Variants in PHF21A observed in about 807,000 individuals in gnomAD.
The protein encoded by PHF21A is PHD finger protein 21A.
PHF21A carries 11 observed loss-of-function variants against 82.5 expected under a neutral mutation model. The ratio of observed to expected loss-of-function variants is 0.13; its 90% confidence interval spans 0.08 to 0.22. The LOEUF (loss-of-function observed/expected upper bound fraction) is 0.22. Among genes scored for constraint, PHF21A ranks in the 10% least tolerant of loss-of-function variants. The pLI is 1.00. For missense variants in PHF21A, 579 were observed against 837.8 expected, an observed-to-expected ratio of 0.69 and a Z score of 3.81; for synonymous variants, 297 against 302.8, an observed-to-expected ratio of 0.98 and a Z score of 0.20.
At chr11:45,957,857 A>C (rs1386048067) in intron 10 of PHF21A, among the ~76,000 whole-genome samples, 1 of 152,052 alleles carries the variant, frequency 6.6e-6, no homozygotes, top group Non-Finnish European at 1.5e-5. Flanking sequence ...ATCTTCGAAA[A>C]GAATAACAAA....
At chr11:46,005,432 C>A (rs1591854182) in intron 6 of PHF21A, among the ~76,000 whole-genome samples, 1 of 152,108 alleles carries the variant, frequency 6.6e-6, no homozygotes, top group African/African-American at 2.4e-5. Context: ...TAGGCAGTTG[C>A]TTTTTCTGGT....
In PHF21A at chr11:45,933,204, G is replaced by A. The variant is rs1010499167; in HGVS notation, c.*764C>T. The A allele has an allele frequency of 6.6e-6, 1 of 152,598 alleles. No homozygotes were observed. The highest frequency in any genetic ancestry group is 2.4e-5 in the African/African-American group (1 of 41,440). 9.5% of individuals were successfully genotyped at this position (152,598 alleles called of 1,614,324 possible). On this transcript the variant is annotated 3_prime_UTR_variant, in exon 19 of 19. Transcript: ENST00000676320. ...CCGGGCTCTGCTTGTTCTTGGAGAG[G>A]AGACAGCGGGATAACCACGGAGATG...
At chr11:45,935,316 C>T (rs563361093) in intron 18 of PHF21A, 32 of 1,196,458 alleles carry the variant, frequency 2.7e-5, no homozygotes, top group Non-Finnish European at 3.4e-5. Flanking sequence ...ACACTCCCCC[C>T]ACACACTGTC....
At chr11:46,077,714 T>C (rs565893551) in intron 5 of PHF21A, among the ~76,000 whole-genome samples, 1 of 152,348 alleles carries the variant, frequency 6.6e-6, no homozygotes, top group East Asian at 1.9e-4. Context: ...CCCACACCTG[T>C]TGTCCAACAA....
intron 6 of PHF21A, among the ~76,000 whole-genome samples, chr11:46,036,765 T>C (rs944782667): frequency 3.9e-5 from 6 of 152,254 alleles, no homozygotes; most frequent in Non-Finnish European, 7.3e-5. Context: ...ATCTTACTAT[T>C]ATTATTTGTA....
At chr11:46,111,206 C>T (rs2097210208) in intron 1 of PHF21A, among the ~76,000 whole-genome samples, 3 of 151,764 alleles carry the variant, frequency 2.0e-5, no homozygotes, top group South Asian at 4.2e-4. Context: ...TGGTGGCTCA[C>T]GCCTGTAATC....
intron 6 of PHF21A, among the ~76,000 whole-genome samples, chr11:45,981,940 C>CTTTTTTTTTTTTTTT (rs754937092): frequency 0.013 from 1,031 of 78,404 alleles, 10 homozygotes; most frequent in East Asian, 0.014. Flanking sequence ...TTTTGTTTTT[C>CTTTTTTTTTTTTTTT]TTTTTTTTTT....
At chr11:45,953,366 A>G (rs2092347968) in intron 11 of PHF21A, among the ~76,000 whole-genome samples, 161 bp downstream of exon 11, 1 of 152,262 alleles carries the variant, frequency 6.6e-6, no homozygotes, top group Non-Finnish European at 1.5e-5. Context: ...ATTCCACTCT[A>G]GACCAATCTG....
chr11:46,092,253 A>G (rs980269713), intron 1 of PHF21A, 30 bp from the exon 2 acceptor site: 1 of 152,218 alleles, frequency 6.6e-6, no homozygotes, highest in Non-Finnish European at 1.5e-5. Flanking sequence ...AAATGGAATT[A>G]GACAACACAC....
At chr11:45,935,857 T>C (rs553172851) in intron 17 of PHF21A, 118 bp from the exon 18 acceptor site, 2 of 632,142 alleles carry the variant, frequency 3.2e-6, no homozygotes, top group Admixed American at 5.8e-5. Flanking sequence ...CCATGAGTCC[T>C]ACAACCCAGT....
At chr11:45,981,023 C>T (rs999228112) in intron 6 of PHF21A, among the ~76,000 whole-genome samples, 26 of 152,110 alleles carry the variant, frequency 1.7e-4, no homozygotes, top group African/African-American at 6.0e-4. Context: ...TATTATAATA[C>T]ACTTCAACAG....
At position 45,954,801 on chromosome 11, in the gene PHF21A, A is replaced by G. The variant is rs540454431; in HGVS notation, c.997-1176T>C. On this transcript the variant is annotated intron_variant, in intron 10 of 18. Transcript: ENST00000676320. ...GTAATGCTCCTTTCATATGGCAACA[A>G]TAATTAAATAAGTGAGAATAAAACT... Among the ~76,000 whole-genome samples the G allele has an allele frequency of 7.2e-4, 110 of 152,362 alleles. No homozygotes were observed. The South Asian group carries it at 0.013, about 18-fold the overall frequency.
chr11:45,999,483 G>T (rs1231057629), intron 6 of PHF21A, among the ~76,000 whole-genome samples: 1 of 152,168 alleles, frequency 6.6e-6, no homozygotes, highest in Non-Finnish European at 1.5e-5. Flanking sequence ...ACATTTAGAA[G>T]ACTGTTCCTT....
chr11:45,965,614 G>T lies in PHF21A; in HGVS notation c.703-6C>A. On this transcript the variant is annotated splice_polypyrimidine_tract_variant and splice_region_variant and intron_variant, in intron 9 of 18. Transcript: ENST00000676320. ...GCCACAGGCTTGGGTCGAACCTATA[G>T]GGGAAAGAGAGAATAATTATTGTAT... 1 of 1,520,686 alleles carries T rather than the reference G, an allele frequency of 6.6e-7. No individual in the cohort carries two copies. The highest frequency in any genetic ancestry group is 1.3e-5 in the South Asian group (1 of 75,654). 94.2% of individuals were successfully genotyped at this position (1,520,686 alleles called of 1,614,324 possible).
intron 14 of PHF21A, chr11:45,946,231 C>A: frequency 1.0e-6 from 1 of 954,958 alleles, no homozygotes; most frequent in South Asian, 1.4e-5. Context: ...GATAAGAGAG[C>A]TCTGGAGAAT....
intron 6 of PHF21A, among the ~76,000 whole-genome samples, chr11:46,027,809 T>C (rs1355999577): frequency 2.6e-5 from 4 of 152,230 alleles, no homozygotes; most frequent in Admixed American, 2.6e-4. Context: ...GTTTTCAGCA[T>C]ATAATTCACA....
At position 45,935,625 on chromosome 11, in the gene PHF21A, G is replaced by A; in HGVS notation, c.1788+11C>T. 7.9e-7 allele frequency: 1 copy of A among 1,261,364 alleles called. No individual in the cohort carries two copies. Among genetic ancestry groups the A allele is most frequent in the South Asian group, 1.2e-5 (1 of 83,374 alleles). The allele number at this position is 1,261,364 out of a possible 1,614,324, so 78.1% of individuals were successfully genotyped here. A position where few individuals can be genotyped will look rare whatever the true frequency, so the allele number is the denominator to read the frequency against. On this transcript the variant is annotated intron_variant, in intron 18 of 18. Transcript: ENST00000676320. ...TATGTATCGACTGCTGAAGGCATGA[G>A]GTTTACTTACACTTATGGAATTGCT... is the stretch of plus-strand genomic sequence containing the variant.
At chr11:46,081,689 C>T (rs754974481) in intron 4 of PHF21A, among the ~76,000 whole-genome samples, 1 of 152,180 alleles carries the variant, frequency 6.6e-6, no homozygotes, top group South Asian at 2.1e-4. Flanking sequence ...GGTTACTTTC[C>T]GCCAGAATGC....
chr11:45,929,990 G>C lies in PHF21A; in HGVS notation c.*3978C>G, dbSNP rs942178000. 6.6e-6 allele frequency: 1 copy of C among 152,214 alleles called. No individual in the cohort carries two copies. The highest frequency in any genetic ancestry group is 2.4e-5 in the African/African-American group (1 of 41,414). The allele number at this position is 152,214 out of a possible 1,614,324, so 9.4% of individuals were successfully genotyped here. ...CCACTCAACAGAAGCCACGGGATCT[G>C]GAGAACCCAGGCCCTGGAAAATGCA... On this transcript the variant is annotated 3_prime_UTR_variant, in exon 19 of 19. Transcript: ENST00000676320.
Sources: allele counts gnomAD v4.1 joint callset (sites outside exome capture counted in the v4.1 genomes callset), GRCh38; gene constraint gnomAD v4.1.1; transcripts MANE v1.5; gene names NCBI Gene and HGNC (gene_info 2026-07-23, HGNC 2026-07-21).